Variants in ZHX2 observed in about 807,000 individuals in gnomAD.
ZHX2 encodes the protein zinc fingers and homeoboxes protein 2.
A neutral mutation model predicts 21.9 loss-of-function variants in ZHX2; 6 were observed. The observed-to-expected ratio is 0.27, with a 90% CI of 0.15 to 0.54. The LOEUF is 0.54. Among genes scored for constraint, ZHX2 ranks in the 20% least tolerant of loss-of-function variants. The pLI, the probability that ZHX2 is intolerant of heterozygous loss-of-function variation, is 0.95. For missense variants in ZHX2, 908 were observed against 1,090.7 expected, an observed-to-expected ratio of 0.83 and a Z score of 2.36; for synonymous variants, 434 against 437.1, an observed-to-expected ratio of 0.99 and a Z score of 0.09.
chr8:122,892,962 G>T (rs1349663078), intron 2 of ZHX2, among the ~76,000 whole-genome samples: 1 of 152,210 alleles, frequency 6.6e-6, no homozygotes. Flanking sequence ...GGGATTACAG[G>T]CATGAGCCAC....
intron 2 of ZHX2, among the ~76,000 whole-genome samples, chr8:122,943,045 T>C (rs1352810153): frequency 6.6e-6 from 1 of 152,086 alleles, no homozygotes. Context: ...GTGGATCACC[T>C]GAGGTCAGGA....
At chr8:122,804,369 A>G (rs764496411) in intron 1 of ZHX2, among the ~76,000 whole-genome samples, 63 of 152,316 alleles carry the variant, frequency 4.1e-4, no homozygotes, top group Non-Finnish European at 7.9e-4. Context: ...TCGGCATCCC[A>G]AAGTGCCCGG....
At chr8:122,943,605 C>G (rs1317927493) in intron 2 of ZHX2, among the ~76,000 whole-genome samples, 2 of 152,206 alleles carry the variant, frequency 1.3e-5, no homozygotes. Flanking sequence ...GAGGCCAAAC[C>G]CAACGGGCGA....
chr8:122,862,381 C>G (rs779207634), intron 1 of ZHX2, among the ~76,000 whole-genome samples: 17 of 152,208 alleles, frequency 1.1e-4, no homozygotes, highest in Non-Finnish European at 2.1e-4. Flanking sequence ...GGAGAATGGG[C>G]TGCAACTTCC....
At chr8:122,896,763 C>T (rs1258952404) in intron 2 of ZHX2, among the ~76,000 whole-genome samples, 2 of 152,184 alleles carry the variant, frequency 1.3e-5, no homozygotes, top group African/African-American at 4.8e-5. Flanking sequence ...TGTTCCTGGT[C>T]TAAGCACAGT....
chr8:122,951,669 C>T lies in ZHX2; in HGVS notation c.159C>T (p.Asn53=). 1.2e-6 allele frequency: 2 copies of T among 1,614,034 alleles called. No individual in the cohort carries two copies. Among genetic ancestry groups the T allele is most frequent in the African/African-American group, 1.3e-5 (1 of 75,032 alleles). ...AKDSWAAELE[N]SSKENEVIEV... Reference sequence around the variant, plus strand: ...ACAGTTGGGCAGCAGAACTTGAAAACTCTTCCAAAGAAAACGAAGTGATAG... The same window carrying T: ...ACAGTTGGGCAGCAGAACTTGAAAATTCTTCCAAAGAAAACGAAGTGATAG... Residue 53 remains asparagine, a synonymous_variant, in exon 3 of 4, where the codon AAC becomes AAT. Transcript: ENST00000314393.
upstream of ZHX2, chr8:122,781,146 G>C (rs531021071): frequency 4.5e-4 from 68 of 152,338 alleles, no homozygotes; most frequent in African/African-American, 1.6e-3. The surrounding 1 kb of genome is among the most constrained non-coding windows in gnomAD (Gnocchi z 4.6). Flanking sequence ...CCCAGGGTGC[G>C]TGGTGGCCCC....
chr8:122,812,871 T>C (rs1817957588), intron 1 of ZHX2, among the ~76,000 whole-genome samples: 1 of 152,168 alleles, frequency 6.6e-6, no homozygotes, highest in Non-Finnish European at 1.5e-5. Context: ...TGAAGTGTGA[T>C]AGTTTAAGTA....
chr8:122,856,703 C>G (rs968233320), intron 1 of ZHX2, among the ~76,000 whole-genome samples: 1 of 152,176 alleles, frequency 6.6e-6, no homozygotes, highest in African/African-American at 2.4e-5. Context: ...GAATGTTTCC[C>G]TCAACGAATC....
intron 1 of ZHX2, among the ~76,000 whole-genome samples, chr8:122,810,049 A>G (rs1817895553): frequency 6.6e-6 from 1 of 152,096 alleles, no homozygotes; most frequent in Admixed American, 6.6e-5. Context: ...TCTGCTAAAA[A>G]TATATATATA....
chr8:122,822,817 G>A (rs940270528), intron 1 of ZHX2, among the ~76,000 whole-genome samples: 4 of 152,202 alleles, frequency 2.6e-5, no homozygotes, highest in African/African-American at 7.2e-5. Flanking sequence ...CGCGGAGCCC[G>A]GCGGATGGTG....
Position 122,907,879 on chromosome 8 carries a change from A to G in ZHX2, c.-219-43413A>G, listed in dbSNP as rs73333681. ...CAGCACCAGGTTCATGTTAGGCACTACAGTAGGGGTTTTTTTGTTAATCTG... is the reference window on the plus strand; with the variant it reads ...CAGCACCAGGTTCATGTTAGGCACTGCAGTAGGGGTTTTTTTGTTAATCTG... On this transcript the variant is annotated intron_variant, in intron 2 of 3. Transcript: ENST00000314393. 4.6e-3 allele frequency among the ~76,000 whole-genome samples: 697 copies of G among 152,310 alleles called. 6 individuals carry two copies. The highest frequency in any genetic ancestry group is 0.016 in the African/African-American group (685 of 41,560).
intron 1 of ZHX2, among the ~76,000 whole-genome samples, chr8:122,815,940 T>G (rs1332440536): frequency 6.6e-6 from 1 of 151,792 alleles, no homozygotes; most frequent in Non-Finnish European, 1.5e-5. Context: ...ATTAGCCAGG[T>G]GTGGTGGCGC....
Position 122,974,021 on chromosome 8 carries a change from T to G in ZHX2, c.*784T>G, listed in dbSNP as rs1813799870. 1 of 152,698 alleles carries G rather than the reference T, an allele frequency of 6.5e-6. No homozygotes were observed. Among genetic ancestry groups the G allele is most frequent in the South Asian group, 2.1e-4 (1 of 4,832 alleles). 9.5% of individuals were successfully genotyped at this position (152,698 alleles called of 1,614,324 possible). On this transcript the variant is annotated 3_prime_UTR_variant, in exon 4 of 4. Transcript: ENST00000314393. The stretch of plus-strand genomic sequence containing the variant: ...GAGAACTGGGTAGCAGGTGGCTGAC[T>G]TCTTTAAGCACCTTTCTAAATACCA...
intron 2 of ZHX2, among the ~76,000 whole-genome samples, chr8:122,866,809 A>G (rs1173768438): frequency 1.3e-5 from 2 of 152,174 alleles, no homozygotes; most frequent in African/African-American, 4.8e-5. Context: ...ATCTCTAGAC[A>G]AAATAATTTC....
At chr8:122,780,671 T>A (rs984453524), upstream of ZHX2, 1 of 152,222 alleles carries the variant, frequency 6.6e-6, no homozygotes, top group African/African-American at 2.4e-5. Flanking sequence ...ACCTTTGCTC[T>A]AAGGCGCCTA....
chr8:122,954,751 T>C (rs1376790280), intron 3 of ZHX2, among the ~76,000 whole-genome samples: 1 of 152,204 alleles, frequency 6.6e-6, no homozygotes, highest in Non-Finnish European at 1.5e-5. Flanking sequence ...GCCTGTCCAT[T>C]CTGAAGGTTA....
intron 3 of ZHX2, among the ~76,000 whole-genome samples, chr8:122,968,447 C>G (rs1251087275): frequency 1.3e-5 from 2 of 152,170 alleles, no homozygotes; most frequent in Non-Finnish European, 2.9e-5. Flanking sequence ...GTTGCTTAAT[C>G]TTCCTCCAGT....
At chr8:122,937,590 T>C (rs1812729956) in intron 2 of ZHX2, among the ~76,000 whole-genome samples, 1 of 152,016 alleles carries the variant, frequency 6.6e-6, no homozygotes, top group Non-Finnish European at 1.5e-5. Flanking sequence ...TTATCTTTTT[T>C]TTTTTTTTAG....
Sources: gnomAD v4.1 joint callset for allele counts (sites outside exome capture counted in the v4.1 genomes callset) on GRCh38, gnomAD v4.1.1 for gene constraint, Gnocchi (gnomAD v3.1) non-coding constraint, MANE v1.5 for transcripts, NCBI Gene and HGNC (gene_info 2026-07-23, HGNC 2026-07-21) for gene names.